LYPD6: variants seen among roughly 807,000 people sequenced by gnomAD.
LYPD6 encodes LY6/PLAUR domain containing 6.
In LYPD6, 15 loss-of-function variants were observed where a neutral mutation model predicts 22.7. The observed-to-expected ratio is 0.66, with a 90% CI of 0.44 to 1.02. The LOEUF (loss-of-function observed/expected upper bound fraction) is 1.02. LYPD6 is among the 50% of genes least tolerant of loss of function. The pLI is 0.00. For missense variants in LYPD6, 189 were observed against 208.4 expected, an observed-to-expected ratio of 0.91 and a Z score of 0.57; for synonymous variants, 72 against 77.5, an observed-to-expected ratio of 0.93 and a Z score of 0.37.
intron 1 of LYPD6, among the ~76,000 whole-genome samples, chr2:149,427,823 CGTT>C (rs377183805): frequency 1.1e-4 from 16 of 152,272 alleles, no homozygotes; most frequent in African/African-American, 3.6e-4. Context: ...AGCGTATCCT[CGTT>C]GTTAAATGAT....
At chr2:149,361,568 C>T (rs1237027107) in intron 1 of LYPD6, among the ~76,000 whole-genome samples, 1 of 152,114 alleles carries the variant, frequency 6.6e-6, no homozygotes, top group Non-Finnish European at 1.5e-5. Flanking sequence ...CCTCTGTTAC[C>T]CACAGAGCAC....
the LYPD6 span, among the ~76,000 whole-genome samples, chr2:149,480,809 G>A: frequency 1.3e-5 from 2 of 152,156 alleles, no homozygotes; most frequent in Non-Finnish European, 2.9e-5. Flanking sequence ...CTCACCCAAG[G>A]CCATGCCCCC....
At chr2:149,403,582 G>GT (rs56823549) in intron 1 of LYPD6, among the ~76,000 whole-genome samples, 1 of 124,654 alleles carries the variant, frequency 8.0e-6, no homozygotes, top group Admixed American at 7.8e-5. Context: ...GGGGTTGTTT[G>GT]TTTTTTTTCT....
chr2:149,423,356 A>G (rs1277768577), intron 1 of LYPD6, among the ~76,000 whole-genome samples: 2 of 152,232 alleles, frequency 1.3e-5, no homozygotes, highest in African/African-American at 4.8e-5. Flanking sequence ...AACCTTAAAT[A>G]CATTTCCAGT....
At chr2:149,468,131 CAACACACACACACACACACACACACACA>C (rs1681243897) in intron 3 of LYPD6, among the ~76,000 whole-genome samples, 1 of 49,526 alleles carries the variant, frequency 2.0e-5, no homozygotes, top group African/African-American at 8.0e-5. Flanking sequence ...TGCTTCCCCC[CAACACACACACACACACACACACACACA>C]CACACACACA....
At chr2:149,395,539 C>T (rs1445913756) in intron 1 of LYPD6, among the ~76,000 whole-genome samples, 1 of 151,934 alleles carries the variant, frequency 6.6e-6, no homozygotes, top group Non-Finnish European at 1.5e-5. Flanking sequence ...TTTCCAGCCA[C>T]CTGATTAAAT....
In LYPD6 at chr2:149,364,879, C is replaced by T. The variant is rs1482748098; in HGVS notation, c.-72+34157C>T. On this transcript the variant is annotated intron_variant, in intron 1 of 4. Transcript: ENST00000334166. ...CTCTGTAGCATCTCTGGAGTACTCA[C>T]AATCTTCTAGGTTCAGACATTTTTC... Among the ~76,000 whole-genome samples, 3 of 152,284 alleles carry T rather than the reference C, an allele frequency of 2.0e-5. No individual in the cohort carries two copies. In the South Asian group the frequency reaches 6.2e-4, roughly 32 times the overall value.
At chr2:149,432,493 G>A (rs764504353) in intron 1 of LYPD6, among the ~76,000 whole-genome samples, 5 of 152,198 alleles carry the variant, frequency 3.3e-5, no homozygotes, top group African/African-American at 9.7e-5. Context: ...CTGCTGAAGC[G>A]TAGGGGAGGG....
intron 1 of LYPD6, among the ~76,000 whole-genome samples, chr2:149,341,520 G>C (rs1395189531): frequency 1.3e-5 from 2 of 152,108 alleles, no homozygotes; most frequent in South Asian, 2.1e-4. Context: ...CAGTCAATAT[G>C]CTTAATAGAA....
chr2:149,352,197 G>T (rs771366158), intron 1 of LYPD6, among the ~76,000 whole-genome samples: 2 of 152,166 alleles, frequency 1.3e-5, no homozygotes, highest in Non-Finnish European at 2.9e-5. Context: ...GATCCCCAAT[G>T]AGTGGTGCAG....
chr2:149,483,445 A>C, the LYPD6 span, among the ~76,000 whole-genome samples: 9 of 151,318 alleles, frequency 5.9e-5, no homozygotes, highest in Non-Finnish European at 1.2e-4. Context: ...AAAGCATGAG[A>C]AGGTCTCTCC....
At chr2:149,403,698 T>C (rs1248154811) in intron 1 of LYPD6, among the ~76,000 whole-genome samples, 44 of 152,048 alleles carry the variant, frequency 2.9e-4, no homozygotes, top group African/African-American at 1.0e-3. Context: ...TTCACTCTGA[T>C]GGTAGTTTCT....
intron 1 of LYPD6, among the ~76,000 whole-genome samples, chr2:149,398,413 T>TTGTGTGTGTG (rs10584410): frequency 6.8e-6 from 1 of 147,762 alleles, no homozygotes; most frequent in African/African-American, 2.5e-5. Context: ...AAAGATGGCT[T>TTGTGTGTGTG]TGTGTGTGTG....
chr2:149,362,078 A>C (rs1016431270), intron 1 of LYPD6, among the ~76,000 whole-genome samples: 1 of 152,232 alleles, frequency 6.6e-6, no homozygotes, highest in African/African-American at 2.4e-5. Flanking sequence ...GAAACTGTGC[A>C]GATGCTTGAT....
intron 1 of LYPD6, among the ~76,000 whole-genome samples, chr2:149,382,657 T>A (rs1199481672): frequency 6.6e-6 from 1 of 152,132 alleles, no homozygotes; most frequent in Non-Finnish European, 1.5e-5. Flanking sequence ...TTGATTCAAA[T>A]CTTACATAAG....
At chr2:149,468,578 T>C (rs896748883) in intron 3 of LYPD6, 67 bp from the exon 4 acceptor site, 1 of 1,545,386 alleles carries the variant, frequency 6.5e-7, no homozygotes, top group African/African-American at 1.4e-5. Flanking sequence ...CTGACACTCC[T>C]GTTATTTTCC....
chr2:149,378,913 A>G (rs1681997316), intron 1 of LYPD6, among the ~76,000 whole-genome samples: 1 of 152,230 alleles, frequency 6.6e-6, no homozygotes, highest in African/African-American at 2.4e-5. Context: ...CTTGACCGGA[A>G]TATAGATCAC....
rs1335686217 is a variant in LYPD6 at position 149,470,849 on chromosome 2, A to G, written c.515A>G (p.Ter172TrpextTer8). The G allele has an allele frequency of 1.9e-6, 3 of 1,609,634 alleles. No homozygotes were observed. The highest frequency in any genetic ancestry group is 2.5e-6 in the Non-Finnish European group (3 of 1,176,846). ...CLWLWLGLML[*>W] ...TGGTTGTGGTTAGGGCTCATGTTAT[A>G]GTGGCTCAGTGGCTCCATGTGTTAA... The change falls in exon 5 of 5, where the codon TAG becomes TGG. Residue 172 changes from the stop codon to tryptophan (W), a stop_lost. Coordinates refer to ENST00000334166, the MANE Select transcript of LYPD6 (RefSeq NM_194317.5).
intron 1 of LYPD6, among the ~76,000 whole-genome samples, chr2:149,421,157 A>AGGCCAAGGCG (rs1683069630): frequency 6.6e-6 from 1 of 152,106 alleles, no homozygotes; most frequent in African/African-American, 2.4e-5. Flanking sequence ...GCACTTTGGG[A>AGGCCAAGGCG]GGCCAAGGCG....
Sources: allele counts gnomAD v4.1 joint callset (sites outside exome capture counted in the v4.1 genomes callset), GRCh38; gene constraint gnomAD v4.1.1; transcripts MANE v1.5; gene names NCBI Gene and HGNC (gene_info 2026-07-23, HGNC 2026-07-21).